The following NUP205 variants were observed in gnomAD, a reference collection of about 807,000 sequenced individuals.
NUP205 encodes nuclear pore complex protein Nup205.
NUP205 carries 76 observed loss-of-function variants against 253.8 expected under a neutral mutation model. That is an observed-to-expected ratio of 0.30 (90% CI 0.25 to 0.36). The LOEUF (loss-of-function observed/expected upper bound fraction) is 0.36, where lower values mean the gene tolerates loss of function less well. NUP205 is among the 10% of genes least tolerant of loss of function. The pLI, the probability that NUP205 is intolerant of heterozygous loss-of-function variation, is 1.00. For synonymous variants in NUP205, 832 were observed against 850.1 expected (o/e 0.98, Z 0.37); for missense variants, 2,162 against 2,425.5 (o/e 0.89, Z 2.28).
intron 10 of NUP205, among the ~76,000 whole-genome samples, chr7:135,589,307 T>C (rs1334182250): frequency 6.7e-6 from 1 of 149,868 alleles, no homozygotes; most frequent in African/African-American, 2.5e-5. Context: ...TTTTTTGAGA[T>C]GGAGTTTCGC....
At chr7:135,615,599 G>T (rs1021347822) in intron 23 of NUP205, among the ~76,000 whole-genome samples, 1 of 151,998 alleles carries the variant, frequency 6.6e-6, no homozygotes, top group Non-Finnish European at 1.5e-5. Context: ...TTAAAATATT[G>T]TTTTATATAT....
At position 135,598,071 on chromosome 7, in the gene NUP205, C is replaced by G; in HGVS notation, c.2138C>G (p.Thr713Ser). 1 of 1,614,080 alleles carries G rather than the reference C, an allele frequency of 6.2e-7. No homozygotes were observed. Among genetic ancestry groups the G allele is most frequent in the Non-Finnish European group, 8.5e-7 (1 of 1,179,994 alleles). The change falls in exon 15 of 43, where the codon ACT becomes AGT. Residue 713 changes from threonine to serine, a missense_variant. Physicochemically the swap from Thr to Ser is moderately conservative, Grantham distance 58. Coordinates refer to ENST00000285968, the MANE Select transcript of NUP205 (RefSeq NM_015135.3). ...CGGGCCTTTTGCCAGCTTATTAGTA[C>G]TCTGGTGGAGAGCTCATTTCCTTCT... The part of the protein sequence containing the change: ...LTRAFCQLIS[T>S]LVESSFPSNL...
intron 27 of NUP205, among the ~76,000 whole-genome samples, 165 bp downstream of exon 27, chr7:135,617,847 G>T (rs1794393387): frequency 6.6e-6 from 1 of 150,958 alleles, no homozygotes; most frequent in African/African-American, 2.4e-5. Context: ...TTTATAAACT[G>T]AACTATCTGG....
chr7:135,607,498 G>A, intron 22 of NUP205, 127 bp downstream of exon 22: 1 of 1,035,650 alleles, frequency 9.7e-7, no homozygotes, highest in Non-Finnish European at 1.3e-6. Context: ...AATTTGACCT[G>A]TCTTTCATTT....
chr7:135,572,495 A>G (rs949442287), intron 2 of NUP205, among the ~76,000 whole-genome samples: 2 of 152,306 alleles, frequency 1.3e-5, no homozygotes, highest in Middle Eastern at 3.4e-3. Flanking sequence ...TGCAATAGCA[A>G]TAGGGTACTT....
intron 13 of NUP205, among the ~76,000 whole-genome samples, chr7:135,595,643 TCTGTA>T (rs1793815250): frequency 6.6e-6 from 1 of 152,112 alleles, no homozygotes; most frequent in Non-Finnish European, 1.5e-5. Context: ...TTTTTTGACT[TCTGTA>T]CCCTGAGGGA....
intron 31 of NUP205, among the ~76,000 whole-genome samples, chr7:135,624,079 G>A (rs1794530560): frequency 6.6e-6 from 1 of 152,074 alleles, no homozygotes; most frequent in Admixed American, 6.6e-5. Context: ...ACCACACCCG[G>A]CCACCTTTTA....
intron 18 of NUP205, among the ~76,000 whole-genome samples, chr7:135,603,229 C>T (rs746369010): frequency 4.0e-5 from 6 of 151,318 alleles, no homozygotes; most frequent in African/African-American, 7.3e-5. Context: ...GATTCTCCTG[C>T]CTCAGCCTCC....
intron 19 of NUP205, among the ~76,000 whole-genome samples, chr7:135,605,732 G>C (rs868572336): frequency 3.8e-4 from 58 of 152,102 alleles, no homozygotes; most frequent in African/African-American, 1.4e-3. Context: ...CTCAGAAATA[G>C]AAAATGGGTG....
rs138647921 is a variant in NUP205 at position 135,618,244 on chromosome 7, C to T, written c.3772-168C>T. Among the ~76,000 whole-genome samples, 197 of 152,212 alleles carry T rather than the reference C, an allele frequency of 1.3e-3. 1 individual carries two copies. The highest frequency in any genetic ancestry group is 4.5e-3 in the African/African-American group (187 of 41,522). On this transcript the variant is annotated intron_variant, in intron 27 of 42. Transcript: ENST00000285968. Reference sequence around the variant, plus strand: ...CATGCACATACACACACATACACACCTTATATGTTAATATTTTTTATAGCC... The same window carrying T: ...CATGCACATACACACACATACACACTTTATATGTTAATATTTTTTATAGCC...
intron 42 of NUP205, among the ~76,000 whole-genome samples, chr7:135,647,319 A>G (rs560281876): frequency 6.6e-6 from 1 of 152,308 alleles, no homozygotes; most frequent in East Asian, 1.9e-4. Context: ...TTGGGAATGA[A>G]AGGTGCAGTT....
chr7:135,616,634 A>G (rs372991654), intron 24 of NUP205, 21 bp from the exon 25 acceptor site: 10 of 1,419,290 alleles, frequency 7.0e-6, no homozygotes, highest in Non-Finnish European at 9.6e-6. Flanking sequence ...TTCTGATTCA[A>G]TATTATTGAT....
chr7:135,622,708 T>C lies in NUP205; in HGVS notation c.4331-69T>C, dbSNP rs916784906. 16 of 1,374,166 alleles carry C rather than the reference T, an allele frequency of 1.2e-5. No individual in the cohort carries two copies. The Admixed American group carries it at 1.6e-4, about 14-fold the overall frequency. The allele number at this position is 1,374,166 out of a possible 1,614,324, so 85.1% of individuals were successfully genotyped here. On this transcript the variant is annotated intron_variant, in intron 30 of 42. Coordinates refer to ENST00000285968, the MANE Select transcript of NUP205 (RefSeq NM_015135.3). ...TCTTCCTTAGCTCATACCTAGCATG[T>C]GAGGTATAATTACTCAGTTATTACA...
In NUP205 at chr7:135,600,986, A is replaced by G; in HGVS notation, c.2374+17A>G. On this transcript the variant is annotated intron_variant, in intron 16 of 42. Transcript: ENST00000285968. ...AACTACAAGGTAATTTAATTCTGTC[A>G]CTTTCAAACAAGTTGTCAACTATTT... 2 of 1,367,848 alleles carry G rather than the reference A, an allele frequency of 1.5e-6. No individual in the cohort carries two copies. Among genetic ancestry groups the G allele is most frequent in the Non-Finnish European group, 2.1e-6 (2 of 962,528 alleles). 84.7% of individuals were successfully genotyped at this position (1,367,848 alleles called of 1,614,324 possible).
chr7:135,584,112 G>A (rs779583647), intron 7 of NUP205, among the ~76,000 whole-genome samples: 2 of 151,936 alleles, frequency 1.3e-5, no homozygotes, highest in Non-Finnish European at 2.9e-5. Flanking sequence ...GCCCGGCCTT[G>A]TTTCTTAAGT....
intron 2 of NUP205, 30 bp downstream of exon 2, chr7:135,571,277 G>T (rs761681404): frequency 1.2e-5 from 16 of 1,352,070 alleles, no homozygotes; most frequent in South Asian, 1.0e-4. Context: ...AGTTTTTTTG[G>T]GATTTTTTTT....
At chr7:135,614,381 G>A (rs1794307969) in intron 23 of NUP205, 108 bp downstream of exon 23, 2 of 631,926 alleles carry the variant, frequency 3.2e-6, no homozygotes, top group Non-Finnish European at 5.5e-6. Flanking sequence ...TGATACTTTG[G>A]CTTCTTTGTT....
chr7:135,644,966 G>C lies in NUP205; in HGVS notation c.5631G>C (p.Arg1877=). Residue 1877 remains arginine, a synonymous_variant, in exon 40 of 43, where the codon CGG becomes CGC. Transcript: ENST00000285968. The part of the protein sequence containing the change: ...STAQKYVLAR[R]RLVKVINNRA... ...CTCAGAAATATGTTCTAGCAAGACGGCGCTTGGTGAAGGTGATCAACAATC... is the reference window on the plus strand; with the variant it reads ...CTCAGAAATATGTTCTAGCAAGACGCCGCTTGGTGAAGGTGATCAACAATC... 6.2e-7 allele frequency: 1 copy of C among 1,614,142 alleles called. No homozygotes were observed. Among genetic ancestry groups the C allele is most frequent in the Non-Finnish European group, 8.5e-7 (1 of 1,179,992 alleles).
At chr7:135,640,422 T>C (rs1355338894) in intron 38 of NUP205, among the ~76,000 whole-genome samples, 4 of 152,190 alleles carry the variant, frequency 2.6e-5, no homozygotes, top group Admixed American at 2.0e-4. Flanking sequence ...TTATATAAAG[T>C]TGGGTAACCA....
Sources: gnomAD v4.1 joint callset for allele counts (sites outside exome capture counted in the v4.1 genomes callset) on GRCh38, gnomAD v4.1.1 for gene constraint, MANE v1.5 for transcripts, NCBI Gene and HGNC (gene_info 2026-07-23, HGNC 2026-07-21) for gene names.